The following KIF21A variants were observed in gnomAD, a reference collection of about 807,000 sequenced individuals.
The protein encoded by KIF21A is kinesin family member 21A.
A neutral mutation model predicts 202.9 loss-of-function variants in KIF21A; 114 were observed. That is an observed-to-expected ratio of 0.56 (90% CI 0.48 to 0.66). The LOEUF (loss-of-function observed/expected upper bound fraction) is 0.66, where lower values mean the gene tolerates loss of function less well. Among genes scored for constraint, KIF21A ranks in the 30% least tolerant of loss-of-function variants. The pLI is 0.00. For synonymous variants in KIF21A, 667 were observed against 670.8 expected (o/e 0.99, Z 0.09); for missense variants, 1,677 against 1,994.9 (o/e 0.84, Z 3.04).
At chr12:39,370,626 T>G (rs1949891189) in intron 1 of KIF21A, among the ~76,000 whole-genome samples, 1 of 152,122 alleles carries the variant, frequency 6.6e-6, no homozygotes. Flanking sequence ...TTTAGATTTT[T>G]TTCTCTTTAT....
intron 1 of KIF21A, among the ~76,000 whole-genome samples, chr12:39,401,968 C>T (rs919182099): frequency 6.6e-6 from 1 of 152,116 alleles, no homozygotes; most frequent in Non-Finnish European, 1.5e-5. Context: ...GAGAAATAGA[C>T]TAAATTAGAC....
In KIF21A at chr12:39,301,603, C is replaced by A; in HGVS notation, c.4808G>T (p.Cys1603Phe). The part of the protein sequence containing the change: ...VPDHPVLLSG[C>F]RGGILKVWNM... ...CCAGACTTTCAAAATGCCCCCTCTG[C>A]AGCCACTGAGCAAAACTGGGTGGTC... is the stretch of plus-strand genomic sequence containing the variant. The change falls in exon 37 of 38, where the codon TGC (cysteine) becomes TTC (phenylalanine). Residue 1603 changes from cysteine (C) to phenylalanine (F), a missense_variant. Physicochemically the swap from Cys to Phe is radical, Grantham distance 205. Transcript: ENST00000361418. The A allele has an allele frequency of 1.2e-6, 2 of 1,614,112 alleles. No individual in the cohort carries two copies. The highest frequency in any genetic ancestry group is 1.7e-6 in the Non-Finnish European group (2 of 1,179,990).
intron 28 of KIF21A, among the ~76,000 whole-genome samples, chr12:39,319,071 G>A (rs1034808529): frequency 1.3e-5 from 2 of 152,138 alleles, no homozygotes; most frequent in African/African-American, 4.8e-5. Flanking sequence ...ACAGGGTAGT[G>A]GATGGTATAG....
chr12:39,407,670 CT>C (rs1404566430), intron 1 of KIF21A, among the ~76,000 whole-genome samples: 3 of 152,116 alleles, frequency 2.0e-5, no homozygotes, highest in African/African-American at 7.2e-5. Context: ...GATCATACAG[CT>C]TGCTCAATCT....
chr12:39,340,155 T>C lies in KIF21A; in HGVS notation c.2310+10A>G, dbSNP rs201113357. On this transcript the variant is annotated intron_variant, in intron 16 of 37. Coordinates refer to ENST00000361418, the MANE Select transcript of KIF21A (RefSeq NM_001173464.2). ...AACATCAAACGTTAATGGAAAAAAA[T>C]AATCAATACCTTTGTTTTTTTCATT... 4.9e-5 allele frequency: 79 copies of C among 1,604,058 alleles called. No homozygotes were observed. The East Asian group carries it at 1.7e-3, about 35-fold the overall frequency.
chr12:39,442,897 C>G lies in KIF21A; in HGVS notation c.44+30G>C, dbSNP rs1220462164. 1.3e-6 allele frequency: 2 copies of G among 1,523,306 alleles called. No individual in the cohort carries two copies. The highest frequency in any genetic ancestry group is 2.0e-5 in the Admixed American group (1 of 50,428). The allele number at this position is 1,523,306 out of a possible 1,614,324, so 94.4% of individuals were successfully genotyped here. ...CTTGCCGCGCCCTCAACCCGCCGCC[C>G]GCCGCCCGCCGCCGGCAGACTGTCC... is the stretch of plus-strand genomic sequence containing the variant. On this transcript the variant is annotated intron_variant, in intron 1 of 37. Coordinates refer to ENST00000361418, the MANE Select transcript of KIF21A (RefSeq NM_001173464.2). This position sits in a 1 kb window ranked among gnomAD's most constrained non-coding sequence, Gnocchi z 5.0.
chr12:39,391,072 C>G (rs1951310960), intron 1 of KIF21A, among the ~76,000 whole-genome samples: 1 of 152,054 alleles, frequency 6.6e-6, no homozygotes, highest in South Asian at 2.1e-4. Context: ...ATACTGAAGT[C>G]AGGATAGAAG....
chr12:39,300,851 T>C (rs1176178692), intron 37 of KIF21A, among the ~76,000 whole-genome samples: 1 of 152,150 alleles, frequency 6.6e-6, no homozygotes, highest in East Asian at 1.9e-4. Flanking sequence ...ATCCCCTTTC[T>C]CTCTTTTCTT....
chr12:39,356,672 G>T, intron 10 of KIF21A, 160 bp downstream of exon 10: 1 of 507,606 alleles, frequency 2.0e-6, no homozygotes, highest in Non-Finnish European at 3.5e-6. Flanking sequence ...TGACATCAAG[G>T]GAAAGGTAAG....
At chr12:39,302,829 C>T (rs1039768932) in intron 36 of KIF21A, 136 bp downstream of exon 36, 1 of 787,492 alleles carries the variant, frequency 1.3e-6, no homozygotes, top group Middle Eastern at 3.7e-4. Context: ...GAGGATGAAA[C>T]ATTCTTTAAG....
chr12:39,324,088 C>A (rs368967289), intron 26 of KIF21A, among the ~76,000 whole-genome samples: 3 of 151,234 alleles, frequency 2.0e-5, no homozygotes, highest in Admixed American at 6.6e-5. Context: ...CCAGTCTGGG[C>A]GATAGAGCAA....
chr12:39,335,930 T>C (rs1240160823), intron 17 of KIF21A, among the ~76,000 whole-genome samples: 1 of 152,206 alleles, frequency 6.6e-6, no homozygotes, highest in East Asian at 1.9e-4. Flanking sequence ...ACCCCCCTTT[T>C]CTCTATCCCC....
intron 1 of KIF21A, among the ~76,000 whole-genome samples, chr12:39,383,063 G>A (rs1950717492): frequency 6.6e-6 from 1 of 152,176 alleles, no homozygotes; most frequent in South Asian, 2.1e-4. Flanking sequence ...TAGCAAGTGG[G>A]CAAGAGCAGG....
At chr12:39,340,855 C>G in intron 15 of KIF21A, 51 bp downstream of exon 15, 1 of 1,291,360 alleles carries the variant, frequency 7.7e-7, no homozygotes, top group South Asian at 1.2e-5. Context: ...GATAAAAACC[C>G]ATTTTGAAGA....
intron 1 of KIF21A, among the ~76,000 whole-genome samples, chr12:39,389,550 A>G (rs1951196269): frequency 6.6e-6 from 1 of 152,140 alleles, no homozygotes; most frequent in South Asian, 2.1e-4. Flanking sequence ...AGTCCATAAT[A>G]CCCAAAAACC....
intron 22 of KIF21A, 102 bp from the exon 23 acceptor site, chr12:39,331,013 T>C (rs900477502): frequency 3.9e-5 from 47 of 1,216,032 alleles, no homozygotes; most frequent in Non-Finnish European, 5.2e-5. Flanking sequence ...GGTTTTGACA[T>C]CAGATAGACC....
At chr12:39,332,169 A>G in intron 21 of KIF21A, 45 bp downstream of exon 21, 1 of 1,543,836 alleles carries the variant, frequency 6.5e-7, no homozygotes, top group Non-Finnish European at 8.9e-7. Flanking sequence ...AACAATACAA[A>G]AGTACTTTTC....
At chr12:39,363,002 G>A in intron 7 of KIF21A, 96 bp downstream of exon 7, 1 of 796,770 alleles carries the variant, frequency 1.3e-6, no homozygotes. Flanking sequence ...CTATTAGTTT[G>A]CTTTGCAATA....
chr12:39,406,530 T>G (rs1024081485), intron 1 of KIF21A, among the ~76,000 whole-genome samples: 4 of 152,210 alleles, frequency 2.6e-5, no homozygotes, highest in Admixed American at 2.6e-4. Flanking sequence ...CCCAAAATGT[T>G]CACTCCCTCC....
Sources: gnomAD v4.1 joint callset for allele counts (sites outside exome capture counted in the v4.1 genomes callset) on GRCh38, gnomAD v4.1.1 for gene constraint, Gnocchi (gnomAD v3.1) non-coding constraint, MANE v1.5 for transcripts, NCBI Gene and HGNC (gene_info 2026-07-23, HGNC 2026-07-21) for gene names.